Variants in CALN1 observed in about 807,000 individuals in gnomAD.
CALN1 encodes calcium-binding protein 8.
Under a neutral mutation model 30.6 loss-of-function variants are expected in CALN1, and 17 were observed. The observed-to-expected ratio is 0.56, with a 90% CI of 0.38 to 0.83. The LOEUF (loss-of-function observed/expected upper bound fraction) is 0.83, where lower values mean the gene tolerates loss of function less well. Among genes scored for constraint, CALN1 ranks in the 40% least tolerant of loss-of-function variants. The pLI is 0.00. For missense variants in CALN1, 291 were observed against 354.9 expected (o/e 0.82, Z 1.45); for synonymous variants, 156 against 131.4 (o/e 1.19, Z -1.28).
At chr7:72,287,729 A>G (rs1798184176) in intron 2 of CALN1, among the ~76,000 whole-genome samples, 1 of 152,156 alleles carries the variant, frequency 6.6e-6, no homozygotes, top group Admixed American at 6.5e-5. Context: ...TACAGGCGTG[A>G]GCCACTACGC....
chr7:72,113,749 C>G (rs1807740786), intron 3 of CALN1, among the ~76,000 whole-genome samples: 2 of 152,220 alleles, frequency 1.3e-5, no homozygotes, highest in South Asian at 4.1e-4. Flanking sequence ...CTGTGGGGCC[C>G]ACAAAGACTA....
At chr7:72,260,176 G>C (rs944451088) in intron 3 of CALN1, among the ~76,000 whole-genome samples, 5 of 152,320 alleles carry the variant, frequency 3.3e-5, no homozygotes, top group Admixed American at 6.5e-5. Context: ...TTCAGCCTGG[G>C]AGACAGAGCA....
rs188567888 is a variant in CALN1 at position 71,814,205 on chromosome 7, G to A, written c.502-3713C>T. Among the ~76,000 whole-genome samples, 558 of 152,284 alleles carry A rather than the reference G, an allele frequency of 3.7e-3. 4 individuals are homozygous for A. Among genetic ancestry groups the A allele is most frequent in the African/African-American group, 0.012 (516 of 41,562 alleles). On this transcript the variant is annotated intron_variant, in intron 5 of 6. Coordinates refer to ENST00000395275, the MANE Select transcript of CALN1 (RefSeq NM_031468.4). ...TCAGAACTGCTCTGAGCCTCTGACCGCTATGGGTATCCCATGTTTTGCTTT... is the reference window on the plus strand; with the variant it reads ...TCAGAACTGCTCTGAGCCTCTGACCACTATGGGTATCCCATGTTTTGCTTT...
At chr7:72,436,857 T>C (rs1355637321) in intron 1 of CALN1, among the ~76,000 whole-genome samples, 1 of 152,134 alleles carries the variant, frequency 6.6e-6, no homozygotes, top group African/African-American at 2.4e-5. Context: ...AAGTCTGTCT[T>C]GACAAAACCT....
At chr7:71,887,745 G>A (rs905820894) in intron 5 of CALN1, among the ~76,000 whole-genome samples, 1 of 152,176 alleles carries the variant, frequency 6.6e-6, no homozygotes, top group Admixed American at 6.5e-5. Context: ...AGGAGGCAAT[G>A]CAAGTAAAAC....
At chr7:72,448,612 T>A (rs1399622504), upstream of CALN1, among the ~76,000 whole-genome samples, 2 of 151,466 alleles carry the variant, frequency 1.3e-5, no homozygotes, top group African/African-American at 4.9e-5. Flanking sequence ...CCTTGCGTGA[T>A]CTTTTTTTTT....
rs571743088 is a variant in CALN1, at chr7:72,250,513, T to C, written c.244+28173A>G. On this transcript the variant is annotated intron_variant, in intron 3 of 6. Transcript: ENST00000395275. Reference sequence around the variant, plus strand: ...GACTCATTTTGGGGGCCATCTGACATATAGTTCAGATGTCTGTCCCCTCCA... The same window carrying C: ...GACTCATTTTGGGGGCCATCTGACACATAGTTCAGATGTCTGTCCCCTCCA... Among the ~76,000 whole-genome samples, 19 of 152,270 alleles carry C rather than the reference T, an allele frequency of 1.2e-4. No individual in the cohort carries two copies. In the South Asian group the frequency reaches 3.1e-3, roughly 25 times the overall value.
intron 3 of CALN1, among the ~76,000 whole-genome samples, chr7:72,125,536 A>T (rs73701676): frequency 0.25 from 38,511 of 151,970 alleles, 5,903 homozygotes; most frequent in Non-Finnish European, 0.35. Flanking sequence ...AATTTTTTTT[A>T]AAAAAATGGA....
chr7:72,429,613 C>T (rs1254475252), intron 1 of CALN1, among the ~76,000 whole-genome samples: 1 of 151,834 alleles, frequency 6.6e-6, no homozygotes, highest in African/African-American at 2.4e-5. Context: ...TATTCTGAAA[C>T]TCAATGTCAT....
intron 5 of CALN1, among the ~76,000 whole-genome samples, chr7:71,836,832 G>A (rs1199838355): frequency 2.0e-5 from 3 of 151,344 alleles, no homozygotes; most frequent in African/African-American, 2.4e-5. Context: ...TGGCCAGGTC[G>A]GTCTCAAACT....
At chr7:71,852,326 G>T (rs1379166908) in intron 5 of CALN1, among the ~76,000 whole-genome samples, 1 of 151,992 alleles carries the variant, frequency 6.6e-6, no homozygotes, top group Admixed American at 6.6e-5. Context: ...TAAAGAACAA[G>T]TATGTATTTA....
chr7:72,346,909 T>C (rs28625158), intron 2 of CALN1, among the ~76,000 whole-genome samples: 34,583 of 152,024 alleles, frequency 0.23, 5,446 homozygotes, highest in African/African-American at 0.43. Flanking sequence ...TTAAAGCAAA[T>C]TGGACACAGT....
chr7:72,437,841 A>C (rs1403440997), intron 1 of CALN1, among the ~76,000 whole-genome samples: 157 of 61,656 alleles, frequency 2.5e-3, no homozygotes, highest in African/African-American at 4.3e-3. Flanking sequence ...CCTCCCTTCC[A>C]TCCTCCCTTC....
intron 4 of CALN1, among the ~76,000 whole-genome samples, chr7:72,071,058 A>G (rs142462556): frequency 5.9e-5 from 9 of 152,358 alleles, no homozygotes; most frequent in African/African-American, 2.2e-4. Flanking sequence ...ATTCCAGGCT[A>G]TTGAAGGCTT....
chr7:72,407,266 T>C (rs1185354104), intron 1 of CALN1, among the ~76,000 whole-genome samples: 1 of 152,190 alleles, frequency 6.6e-6, no homozygotes, highest in Non-Finnish European at 1.5e-5. Flanking sequence ...ATGAACCTGA[T>C]AATAACACCT....
intron 4 of CALN1, among the ~76,000 whole-genome samples, chr7:72,099,365 T>C (rs1584938794): frequency 6.6e-6 from 1 of 151,540 alleles, no homozygotes; most frequent in East Asian, 1.9e-4. Context: ...CCATTCCACA[T>C]GTTCCACACC....
intron 5 of CALN1, among the ~76,000 whole-genome samples, chr7:71,964,422 C>G (rs1797428439): frequency 6.6e-6 from 1 of 152,104 alleles, no homozygotes; most frequent in African/African-American, 2.4e-5. Context: ...TCAATTAGAC[C>G]CTCTGCTTAT....
chr7:72,272,649 G>T (rs533739864), intron 3 of CALN1, among the ~76,000 whole-genome samples: 1 of 152,096 alleles, frequency 6.6e-6, no homozygotes. Flanking sequence ...TAATTGCCCC[G>T]CCAATGAAAT....
intron 3 of CALN1, among the ~76,000 whole-genome samples, chr7:72,180,605 T>C (rs563562091): frequency 7.6e-6 from 1 of 130,808 alleles, no homozygotes; most frequent in Non-Finnish European, 1.7e-5. Flanking sequence ...ATGCTTTTTT[T>C]TCTTTTTTTT....
Sources: gnomAD v4.1 joint callset for allele counts (sites outside exome capture counted in the v4.1 genomes callset) on GRCh38, gnomAD v4.1.1 for gene constraint, MANE v1.5 for transcripts, NCBI Gene and HGNC (gene_info 2026-07-23, HGNC 2026-07-21) for gene names.